Variants in STK3 observed in about 807,000 individuals in gnomAD.
The protein encoded by STK3 is serine/threonine kinase 3, also known as serine/threonine-protein kinase 3.
STK3 carries 41 observed loss-of-function variants against 58.0 expected under a neutral mutation model. The observed-to-expected ratio is 0.71, with a 90% confidence interval of 0.55 to 0.92. The LOEUF is 0.92. STK3 is among the 40% of genes least tolerant of loss of function. The pLI is 0.00. For synonymous variants in STK3, 170 were observed against 191.0 expected (o/e 0.89, Z 0.91); for missense variants, 479 against 602.7 (o/e 0.79, Z 2.15).
downstream of STK3, among the ~76,000 whole-genome samples, chr8:98,398,791 C>G (rs1817917457): frequency 6.6e-6 from 1 of 151,936 alleles, no homozygotes; most frequent in African/African-American, 2.4e-5. Context: ...GTAATATTCC[C>G]TGTTTCTTCC....
At chr8:98,515,954 A>G (rs1563689655) in intron 10 of STK3, among the ~76,000 whole-genome samples, 1 of 152,104 alleles carries the variant, frequency 6.6e-6, no homozygotes, top group African/African-American at 2.4e-5. Context: ...CTCACTACAT[A>G]CTAAGATCTC....
intron 1 of STK3, among the ~76,000 whole-genome samples, chr8:98,897,448 A>G (rs866579574): frequency 3.3e-5 from 5 of 152,224 alleles, no homozygotes; most frequent in Middle Eastern, 3.4e-3. Context: ...CTGTAGTCCC[A>G]GCTACTCCGG....
chr8:98,355,225 C>A, the STK3 span, among the ~76,000 whole-genome samples: 1 of 152,142 alleles, frequency 6.6e-6, no homozygotes, highest in Admixed American at 6.5e-5. Flanking sequence ...TCTGGTATTA[C>A]GTGTCTGTGT....
intron 3 of STK3, among the ~76,000 whole-genome samples, chr8:98,420,624 T>C (rs1233054223): frequency 6.6e-6 from 1 of 152,114 alleles, no homozygotes; most frequent in East Asian, 1.9e-4. Context: ...CTACCCTAAT[T>C]GGTCCTGCAC....
rs1236344752 is a variant in STK3, at chr8:98,916,283, A to G, written c.-79+26095T>C. Among the ~76,000 whole-genome samples the G allele has an allele frequency of 2.0e-5, 3 of 152,098 alleles. No homozygotes were observed. The South Asian group carries it at 6.2e-4, about 32-fold the overall frequency. ...ACAAAAATTAGCTGGGTGTGGTGGC[A>G]GGCACCTGTAATCCCAGCTACTTGG... is the stretch of plus-strand genomic sequence containing the variant. On this transcript the variant is annotated intron_variant, in intron 1 of 1. Coordinates refer to the STK3 transcript ENST00000519420.
Position 98,800,468 on chromosome 8 carries a change from C to G in STK3, c.26+25047G>C, listed in dbSNP as rs970835170. On this transcript the variant is annotated intron_variant, in intron 1 of 10. Coordinates refer to ENST00000419617, the MANE Select transcript of STK3 (RefSeq NM_006281.4). The surrounding 1 kb of genome is among the most constrained non-coding windows in gnomAD (Gnocchi z 4.8). Reference sequence around the variant, plus strand: ...CACTCACTCTCAGCACCTCCTCGGCCTCGGTGTCCACTCTGGCCACGCTTG... The same window carrying G: ...CACTCACTCTCAGCACCTCCTCGGCGTCGGTGTCCACTCTGGCCACGCTTG... Among the ~76,000 whole-genome samples the G allele has an allele frequency of 1.3e-5, 2 of 152,216 alleles. No homozygotes were observed. The highest frequency in any genetic ancestry group is 4.8e-5 in the African/African-American group (2 of 41,464).
At chr8:98,589,373 TG>T (rs998343127) in intron 7 of STK3, among the ~76,000 whole-genome samples, 5 of 152,252 alleles carry the variant, frequency 3.3e-5, no homozygotes, top group Non-Finnish European at 5.9e-5. Flanking sequence ...GGTGTCAGTG[TG>T]CCCCTGTTGG....
chr8:98,591,409 C>G (rs1312214026), intron 7 of STK3, among the ~76,000 whole-genome samples: 1 of 152,122 alleles, frequency 6.6e-6, no homozygotes, highest in Non-Finnish European at 1.5e-5. Flanking sequence ...ATTTTAACAC[C>G]TTTTTGACTT....
chr8:98,586,492 G>A (rs1200917497), intron 7 of STK3, among the ~76,000 whole-genome samples: 6 of 149,086 alleles, frequency 4.0e-5, no homozygotes, highest in South Asian at 4.4e-4. Context: ...TGCTGGATTC[G>A]GTTTGCCAGT....
intron 9 of STK3, among the ~76,000 whole-genome samples, chr8:98,530,389 T>A (rs1214688796): frequency 6.6e-6 from 1 of 152,176 alleles, no homozygotes; most frequent in African/African-American, 2.4e-5. Flanking sequence ...TAGCTTCCAC[T>A]TGTAAGTGAG....
At chr8:98,873,132 C>T (rs530001852) in intron 3 of STK3, among the ~76,000 whole-genome samples, 1 of 152,248 alleles carries the variant, frequency 6.6e-6, no homozygotes, top group Non-Finnish European at 1.5e-5. Context: ...GTTCAGTTTC[C>T]ATGTAGTTGA....
chr8:98,452,562 T>C (rs1819245436), downstream of STK3, among the ~76,000 whole-genome samples: 1 of 152,180 alleles, frequency 6.6e-6, no homozygotes, highest in African/African-American at 2.4e-5. Context: ...GATGAAACCC[T>C]GATTCACTAG....
chr8:98,731,021 G>T (rs1828154974), intron 4 of STK3, among the ~76,000 whole-genome samples: 1 of 152,202 alleles, frequency 6.6e-6, no homozygotes, highest in African/African-American at 2.4e-5. Context: ...CCACTGGATA[G>T]AGCCTAGAGT....
At chr8:98,361,057 T>TCA in the STK3 span, among the ~76,000 whole-genome samples, 1 of 152,224 alleles carries the variant, frequency 6.6e-6, no homozygotes, top group Non-Finnish European at 1.5e-5. Flanking sequence ...TCTGCTATTT[T>TCA]CACACTCCTG....
rs999364051 is a variant in STK3 at position 98,539,997 on chromosome 8, C to T, written c.1141+7972G>A. ...TCGAACTCCTGACCTTAGGTGATCC[C>T]CCTGCCTTGGCTTCCCAAAGTGCTG... On this transcript the variant is annotated intron_variant, in intron 9 of 10. Transcript: ENST00000419617. Among the ~76,000 whole-genome samples, 15 of 152,124 alleles carry T rather than the reference C, an allele frequency of 9.9e-5. 1 individual carries two copies. Among genetic ancestry groups the T allele is most frequent in the African/African-American group, 3.6e-4 (15 of 41,434 alleles).
intron 9 of STK3, among the ~76,000 whole-genome samples, chr8:98,534,080 T>C (rs1247401601): frequency 6.6e-6 from 1 of 152,214 alleles, no homozygotes; most frequent in East Asian, 1.9e-4. Flanking sequence ...ATTAGGCTGG[T>C]GCAAGTAATA....
intron 6 of STK3, among the ~76,000 whole-genome samples, chr8:98,701,633 T>A (rs56126163): frequency 0.36 from 54,273 of 149,522 alleles, 10,170 homozygotes; most frequent in Admixed American, 0.48. Context: ...AAAAAAAATA[T>A]ATATATATAT....
chr8:98,456,153 A>T (rs1313666484), intron 10 of STK3, among the ~76,000 whole-genome samples, 153 bp from the exon 11 acceptor site: 2 of 152,222 alleles, frequency 1.3e-5, no homozygotes, highest in Non-Finnish European at 2.9e-5. Flanking sequence ...CAACAATTAA[A>T]ACAGGAATTT....
In STK3 at chr8:98,486,798, A is replaced by C. The variant is rs1586681670; in HGVS notation, c.1318-30798T>G. Among the ~76,000 whole-genome samples, 4 of 152,348 alleles carry C rather than the reference A, an allele frequency of 2.6e-5. No individual in the cohort carries two copies. In the South Asian group the frequency reaches 6.2e-4, roughly 24 times the overall value. On this transcript the variant is annotated intron_variant, in intron 10 of 10. Coordinates refer to ENST00000419617, the MANE Select transcript of STK3 (RefSeq NM_006281.4). ...ATTAAGGCAGCAAAACTCAAATGAA[A>C]GAATGTAATGAGTTCCAGGTGTCGT... is the stretch of plus-strand genomic sequence containing the variant.
Sources: allele counts gnomAD v4.1 joint callset (sites outside exome capture counted in the v4.1 genomes callset), GRCh38; gene constraint gnomAD v4.1.1; non-coding constraint Gnocchi (gnomAD v3.1); transcripts MANE v1.5; gene names NCBI Gene and HGNC (gene_info 2026-07-23, HGNC 2026-07-21).